CYRIB: variants seen among roughly 807,000 people sequenced by gnomAD.
CYRIB encodes the protein CYFIP related Rac1 interactor B.
CYRIB carries 8 observed loss-of-function variants against 44.2 expected under a neutral mutation model. The ratio of observed to expected loss-of-function variants is 0.18; its 90% CI spans 0.11 to 0.33. The LOEUF is 0.33. Ranked by LOEUF, CYRIB falls within the 10% of genes least tolerant of loss-of-function variation. The pLI is 1.00. For synonymous variants in CYRIB, 131 were observed against 127.2 expected, an observed-to-expected ratio of 1.03 and a Z score of -0.20; for missense variants, 185 against 382.8, an observed-to-expected ratio of 0.48 and a Z score of 4.31.
intron 1 of CYRIB, among the ~76,000 whole-genome samples, chr8:129,972,718 CACCCCACACACATCCCAGGAACAT>C (rs1414384802): frequency 6.6e-6 from 1 of 151,990 alleles, no homozygotes; most frequent in Non-Finnish European, 1.5e-5. Flanking sequence ...CCCATGCACA[CACCCCACACACATCCCAGGAACAT>C]ACCCCACGCA....
At chr8:130,000,113 A>G (rs983462591) in intron 1 of CYRIB, among the ~76,000 whole-genome samples, 6 of 152,176 alleles carry the variant, frequency 3.9e-5, no homozygotes, top group Non-Finnish European at 8.8e-5. Flanking sequence ...CAGCTCAGCA[A>G]GTAGCTGAGT....
chr8:129,979,866 A>G (rs2096134996), intron 1 of CYRIB, among the ~76,000 whole-genome samples: 1 of 152,216 alleles, frequency 6.6e-6, no homozygotes, highest in Non-Finnish European at 1.5e-5. Context: ...GGGTGCAATG[A>G]GCCGAGATCA....
chr8:129,859,225 G>A (rs888531979), intron 5 of CYRIB, among the ~76,000 whole-genome samples: 2 of 152,176 alleles, frequency 1.3e-5, no homozygotes, highest in Non-Finnish European at 2.9e-5. Context: ...AGGAGAAAGA[G>A]CGAAACAGCT....
intron 1 of CYRIB, among the ~76,000 whole-genome samples, chr8:129,924,458 A>G (rs2086199033): frequency 1.3e-5 from 2 of 152,020 alleles, no homozygotes; most frequent in Non-Finnish European, 2.9e-5. Flanking sequence ...TCTTCGAAAA[A>G]TTCATTCTCA....
chr8:129,885,982 T>C (rs529877528), intron 2 of CYRIB, among the ~76,000 whole-genome samples: 2 of 152,164 alleles, frequency 1.3e-5, no homozygotes, highest in Admixed American at 1.3e-4. Context: ...TCAGTAACCA[T>C]ACACCCACCC....
intron 2 of CYRIB, among the ~76,000 whole-genome samples, chr8:129,965,595 G>C (rs2095443539): frequency 6.6e-6 from 1 of 151,956 alleles, no homozygotes; most frequent in African/African-American, 2.4e-5. Context: ...AGGAGATCGA[G>C]ACCGTCCTGG....
At chr8:129,950,362 G>A (rs2094441637) in intron 2 of CYRIB, among the ~76,000 whole-genome samples, 1 of 152,144 alleles carries the variant, frequency 6.6e-6, no homozygotes, top group Non-Finnish European at 1.5e-5. Context: ...CTGAGGTCAG[G>A]AGTTCGAGAC....
intron 1 of CYRIB, among the ~76,000 whole-genome samples, chr8:129,972,018 T>G (rs967357647): frequency 6.6e-5 from 10 of 152,336 alleles, no homozygotes; most frequent in Admixed American, 5.2e-4. Flanking sequence ...TCTGATTAAA[T>G]CTTTAGCTGC....
chr8:129,950,628 T>G (rs186863882), intron 2 of CYRIB, among the ~76,000 whole-genome samples: 1 of 152,094 alleles, frequency 6.6e-6, no homozygotes, highest in African/African-American at 2.4e-5. Context: ...AATTATTTCA[T>G]GTAGAGTACT....
At chr8:129,898,874 CT>C (rs990881281) in intron 2 of CYRIB, among the ~76,000 whole-genome samples, 88 of 146,378 alleles carry the variant, frequency 6.0e-4, no homozygotes, top group Non-Finnish European at 6.8e-4. Flanking sequence ...CTTTGCCTTT[CT>C]TTTTTTTTTT....
At chr8:130,009,067 GA>G (rs1432971456) in intron 1 of CYRIB, among the ~76,000 whole-genome samples, 1 of 152,186 alleles carries the variant, frequency 6.6e-6, no homozygotes, top group Non-Finnish European at 1.5e-5. Flanking sequence ...CAACAAGCTG[GA>G]AAACAGACAC....
At chr8:129,906,623 G>A (rs2075532171) in intron 1 of CYRIB, among the ~76,000 whole-genome samples, 1 of 152,148 alleles carries the variant, frequency 6.6e-6, no homozygotes, top group African/African-American at 2.4e-5. Context: ...AAACTAAAGA[G>A]CTTCTGCACA....
At chr8:129,897,678 T>C (rs986081306) in intron 2 of CYRIB, among the ~76,000 whole-genome samples, 7 of 151,352 alleles carry the variant, frequency 4.6e-5, no homozygotes, top group African/African-American at 1.7e-4. Context: ...CTAATGCCTA[T>C]AATCCCAGCA....
chr8:129,998,759 G>A (rs2096839499), intron 1 of CYRIB, among the ~76,000 whole-genome samples: 1 of 151,946 alleles, frequency 6.6e-6, no homozygotes, highest in African/African-American at 2.4e-5. Context: ...AGCCTCCCAA[G>A]TAGCTGGGAT....
upstream of CYRIB, among the ~76,000 whole-genome samples, chr8:129,942,033 T>C (rs2093748507): frequency 6.6e-6 from 1 of 152,120 alleles, no homozygotes; most frequent in Admixed American, 6.6e-5. Flanking sequence ...AGCAGTCCAC[T>C]GAGAAGTGAT....
At chr8:129,883,372 A>G (rs2061520199) in intron 2 of CYRIB, among the ~76,000 whole-genome samples, 1 of 152,046 alleles carries the variant, frequency 6.6e-6, no homozygotes, top group Non-Finnish European at 1.5e-5. Context: ...CCCGACTGAG[A>G]ATCACTACAA....
intron 1 of CYRIB, among the ~76,000 whole-genome samples, chr8:129,991,133 G>GAAAAAAAAAAAAAA: frequency 1.5e-5 from 1 of 67,766 alleles, no homozygotes; most frequent in Non-Finnish European, 2.9e-5. Context: ...CTCTGTCTCA[G>GAAAAAAAAAAAAAA]AAAAAAAAAA....
chr8:129,935,884 G>A (rs190339584), intron 1 of CYRIB, among the ~76,000 whole-genome samples: 2 of 152,194 alleles, frequency 1.3e-5, no homozygotes, highest in South Asian at 4.1e-4. Flanking sequence ...TACCATTATC[G>A]AGATGTGAAG....
chr8:129,918,411 G>T (rs2081868690), intron 1 of CYRIB, among the ~76,000 whole-genome samples: 1 of 152,112 alleles, frequency 6.6e-6, no homozygotes, highest in African/African-American at 2.4e-5. Context: ...GTTGAAAAAA[G>T]AAAACAACAA....
Sources: gnomAD v4.1 joint callset for allele counts (sites outside exome capture counted in the v4.1 genomes callset) on GRCh38, gnomAD v4.1.1 for gene constraint, MANE v1.5 for transcripts, NCBI Gene and HGNC (gene_info 2026-07-23, HGNC 2026-07-21) for gene names.